The following VEZT variants were observed in gnomAD, a reference collection of about 807,000 sequenced individuals.
VEZT encodes vezatin, adherens junctions transmembrane protein.
VEZT carries 39 observed loss-of-function variants against 79.9 expected under a neutral mutation model. That is an observed-to-expected ratio of 0.49 (90% CI 0.38 to 0.64). VEZT has a LOEUF of 0.64. Among genes scored for constraint, VEZT ranks in the 30% least tolerant of loss-of-function variants. The probability of loss-of-function intolerance (pLI) is 0.00; values close to 1 mark genes in which losing one functional copy is unlikely to be tolerated. For missense variants in VEZT, 837 were observed against 893.1 expected, an observed-to-expected ratio of 0.94 and a Z score of 0.80; for synonymous variants, 325 against 327.6, an observed-to-expected ratio of 0.99 and a Z score of 0.09.
intron 2 of VEZT, among the ~76,000 whole-genome samples, chr12:95,256,850 T>A (rs2063556085): frequency 6.6e-6 from 1 of 152,230 alleles, no homozygotes; most frequent in Non-Finnish European, 1.5e-5. Context: ...CAGAATGACT[T>A]CTGCCTGCTC....
At chr12:95,283,020 G>C (rs2069585842) in intron 8 of VEZT, among the ~76,000 whole-genome samples, 1 of 152,120 alleles carries the variant, frequency 6.6e-6, no homozygotes, top group South Asian at 2.1e-4. Context: ...ATATCTACCA[G>C]TACTGGAACA....
At chr12:95,266,738 A>C in intron 5 of VEZT, 106 bp downstream of exon 5, 1 of 1,221,948 alleles carries the variant, frequency 8.2e-7, no homozygotes, top group Non-Finnish European at 1.1e-6. Flanking sequence ...AGGAAAAAAA[A>C]GTGCTTTTCT....
intron 5 of VEZT, among the ~76,000 whole-genome samples, chr12:95,267,470 A>G (rs902347698): frequency 6.6e-6 from 1 of 152,222 alleles, no homozygotes; most frequent in African/African-American, 2.4e-5. Flanking sequence ...TATGGTGAAG[A>G]ACATTCATAG....
rs559232753 is a variant in VEZT at position 95,294,404 on chromosome 12, T to C, written c.1623+32T>C. 11 of 1,512,274 alleles carry C rather than the reference T, an allele frequency of 7.3e-6. No individual in the cohort carries two copies. The Admixed American group carries it at 2.2e-4, about 30-fold the overall frequency. 93.7% of individuals were successfully genotyped at this position (1,512,274 alleles called of 1,614,324 possible). A position where few individuals can be genotyped will look rare whatever the true frequency, so the allele number is the denominator to read the frequency against. On this transcript the variant is annotated intron_variant, in intron 10 of 11. Transcript: ENST00000436874. ...GTGAAAATTACTGTTCTTTCCCTTG[T>C]TGGATTTCTGTTTCTAATGAGCTTC...
rs2067315233 is a variant in VEZT at position 95,274,845 on chromosome 12, G to T, written c.952G>T (p.Glu318Ter). The T allele has an allele frequency of 1.9e-6, 3 of 1,613,734 alleles. No individual in the cohort carries two copies. The highest frequency in any genetic ancestry group is 2.5e-6 in the Non-Finnish European group (3 of 1,179,828). ...GLSEEQISEE[E>*]AHNFTDGFSL... ...TAGTGAAGAGCAGATTTCAGAAGAG[G>T]AAGCACATAACTTTACAGATGGCTT... Residue 318 changes from glutamate to a stop codon, truncating the protein, a stop_gained, in exon 7 of 12, where the codon GAA becomes TAA. Transcript: ENST00000436874. LOFTEE classifies it high-confidence loss of function.
At chr12:95,288,009 A>G in intron 9 of VEZT, 152 bp downstream of exon 9, 2 of 546,066 alleles carry the variant, frequency 3.7e-6, no homozygotes, top group Non-Finnish European at 5.9e-6. Flanking sequence ...TATATGTACA[A>G]AGTGACACTG....
chr12:95,246,362 A>T (rs550466542), intron 1 of VEZT, among the ~76,000 whole-genome samples: 6 of 152,238 alleles, frequency 3.9e-5, no homozygotes, highest in African/African-American at 1.4e-4. Flanking sequence ...ACCTCAAGTG[A>T]TCCACCCGCC....
Position 95,258,374 on chromosome 12 carries a change from C to CACAT in VEZT, c.258+1136_258+1139dup, listed in dbSNP as rs144429242. ...TCATTCTTGATTCTGTGTCACTGGC[C>CACAT]ACATGTTTCATGTGATGTTTCACTA... On this transcript the variant is annotated intron_variant, in intron 3 of 11. Transcript: ENST00000436874. 7.8e-3 allele frequency: 3,336 copies of CACAT among 429,890 alleles called. 101 individuals carry two copies. Among genetic ancestry groups the CACAT allele is most frequent in the African/African-American group, 0.063 (3,097 of 49,484 alleles). The allele number at this position is 429,890 out of a possible 1,614,324, so 26.6% of individuals were successfully genotyped here. A position where few individuals can be genotyped will look rare whatever the true frequency, so the allele number is the denominator to read the frequency against.
At chr12:95,234,278 A>G (rs1023296440) in intron 1 of VEZT, among the ~76,000 whole-genome samples, 23 of 142,470 alleles carry the variant, frequency 1.6e-4, no homozygotes, top group Non-Finnish European at 3.5e-4. Context: ...ATTTTCTATC[A>G]ATAATCTTTT....
intron 8 of VEZT, among the ~76,000 whole-genome samples, chr12:95,285,979 CTTCTTTTTT>C (rs1214838163): frequency 2.6e-5 from 3 of 114,848 alleles, no homozygotes; most frequent in Non-Finnish European, 5.7e-5. Flanking sequence ...CCCCCGACCC[CTTCTTTTTT>C]TTTTTTTTTT....
chr12:95,258,094 T>G (rs1320854970), intron 3 of VEZT, among the ~76,000 whole-genome samples: 1 of 152,160 alleles, frequency 6.6e-6, no homozygotes, highest in Non-Finnish European at 1.5e-5. Flanking sequence ...CCTCTCTAGC[T>G]CAAGTATTAT....
chr12:95,218,702 A>G (rs946073104), intron 1 of VEZT: 1 of 152,300 alleles, frequency 6.6e-6, no homozygotes, highest in Non-Finnish European at 1.5e-5. Flanking sequence ...CCCATGCCAT[A>G]CAGCGAGAGA....
intron 8 of VEZT, among the ~76,000 whole-genome samples, chr12:95,284,074 A>C (rs1233317833): frequency 6.6e-6 from 1 of 152,228 alleles, no homozygotes; most frequent in Admixed American, 6.5e-5. Flanking sequence ...CACAAGGTAG[A>C]CATGAACACA....
intron 1 of VEZT, among the ~76,000 whole-genome samples, chr12:95,226,996 A>T (rs1236992010): frequency 6.6e-6 from 1 of 152,246 alleles, no homozygotes; most frequent in African/African-American, 2.4e-5. Context: ...ACAGCAACAG[A>T]ACAAAGTTTA....
chr12:95,269,541 A>C (rs1012773262), intron 5 of VEZT, among the ~76,000 whole-genome samples: 2 of 152,220 alleles, frequency 1.3e-5, no homozygotes, highest in Admixed American at 6.5e-5. Context: ...TTTTCTGTAC[A>C]AGTGACCAAA....
Position 95,282,402 on chromosome 12 carries a change from C to G in VEZT, c.1086C>G (p.Pro362=). The part of the protein sequence containing the change: ...LLSTANSPPG[P]LLTPALLPHR... ...CTACAGCCAATTCACCTCCTGGGCC[C>G]TTACTTACTCCAGCACTTCTGCCTC... The change falls in exon 8 of 12, where the codon CCC becomes CCG. Residue 362 remains proline, a synonymous_variant. Coordinates refer to ENST00000436874, the MANE Select transcript of VEZT (RefSeq NM_017599.4). 6.2e-7 allele frequency: 1 copy of G among 1,613,952 alleles called. No homozygotes were observed. The highest frequency in any genetic ancestry group is 8.5e-7 in the Non-Finnish European group (1 of 1,179,892).
chr12:95,287,567 T>C (rs2071309749), intron 8 of VEZT, 97 bp from the exon 9 acceptor site: 1 of 1,203,678 alleles, frequency 8.3e-7, no homozygotes, highest in Admixed American at 3.1e-5. Flanking sequence ...CCTCCCAAAG[T>C]GCTGAGATTT....
Position 95,285,383 on chromosome 12 carries a change from G to T in VEZT, c.1329-2281G>T, listed in dbSNP as rs140287202. ...CACCTGACCCCTGGAGGTTGAGGTT[G>T]CAGTGAGCCGAAATCACACCACTGC... On this transcript the variant is annotated intron_variant, in intron 8 of 11. Coordinates refer to ENST00000436874, the MANE Select transcript of VEZT (RefSeq NM_017599.4). Among the ~76,000 whole-genome samples the T allele has an allele frequency of 4.6e-5, 7 of 151,054 alleles. No individual in the cohort carries two copies. The East Asian group carries it at 1.4e-3, about 30-fold the overall frequency.
chr12:95,279,046 G>T (rs1258459418), intron 7 of VEZT, among the ~76,000 whole-genome samples: 1 of 152,086 alleles, frequency 6.6e-6, no homozygotes, highest in East Asian at 1.9e-4. Context: ...CTCCAGCCTG[G>T]GCAACAAGAG....
Sources: gnomAD v4.1 joint callset for allele counts (sites outside exome capture counted in the v4.1 genomes callset) on GRCh38, gnomAD v4.1.1 for gene constraint, MANE v1.5 for transcripts, NCBI Gene and HGNC (gene_info 2026-07-23, HGNC 2026-07-21) for gene names.